The following MARCHF8 variants were observed in gnomAD, a reference collection of about 807,000 sequenced individuals.
The protein encoded by MARCHF8 is E3 ubiquitin-protein ligase MARCHF8.
Under a neutral mutation model 51.6 loss-of-function variants are expected in MARCHF8, and 40 were observed. The ratio of observed to expected loss-of-function variants is 0.77; its 90% confidence interval spans 0.60 to 1.01. MARCHF8 has a LOEUF of 1.01. Ranked by LOEUF, MARCHF8 falls within the 50% of genes least tolerant of loss-of-function variation. The pLI, the probability that MARCHF8 is intolerant of heterozygous loss-of-function variation, is 0.00. For synonymous variants in MARCHF8, 263 were observed against 280.3 expected (o/e 0.94, Z 0.62); for missense variants, 685 against 708.6 (o/e 0.97, Z 0.38).
chr10:45,533,051 T>C, intron 2 of MARCHF8, 59 bp downstream of exon 2: 1 of 1,388,492 alleles, frequency 7.2e-7, no homozygotes, highest in Non-Finnish European at 9.7e-7. Context: ...CTGTTCTAGG[T>C]CATCTTTAAT....
exon 1 of MARCHF8, chr10:45,594,681 C>G (rs2044720037): frequency 6.7e-6 from 1 of 149,202 alleles, no homozygotes; most frequent in Non-Finnish European, 1.5e-5. Context: ...CCTGCCCGGG[C>G]CGGGGGCTCG....
At chr10:45,460,097 T>A (rs1358741742) in intron 6 of MARCHF8, among the ~76,000 whole-genome samples, 3 of 152,202 alleles carry the variant, frequency 2.0e-5, no homozygotes, top group Non-Finnish European at 4.4e-5. Context: ...AACATTTTTT[T>A]AAGCAGTTTG....
chr10:45,495,133 AG>A (rs1242823635), intron 2 of MARCHF8, among the ~76,000 whole-genome samples: 1 of 152,016 alleles, frequency 6.6e-6, no homozygotes, highest in African/African-American at 2.4e-5. Flanking sequence ...AAAAAAAAAA[AG>A]AAAAGAAAAA....
chr10:45,501,966 A>T (rs1355256077), intron 2 of MARCHF8, among the ~76,000 whole-genome samples: 11 of 151,982 alleles, frequency 7.2e-5, no homozygotes, highest in South Asian at 2.1e-4. Flanking sequence ...ATGGCTAAAA[A>T]TTTTTTTTTA....
At chr10:45,471,044 AC>A (rs2042680038) in intron 3 of MARCHF8, among the ~76,000 whole-genome samples, 1 of 152,222 alleles carries the variant, frequency 6.6e-6, no homozygotes, top group African/African-American at 2.4e-5. Flanking sequence ...ACAAGCTTTC[AC>A]AAAGGCAATT....
chr10:45,558,521 A>G (rs1330991804), intron 1 of MARCHF8, among the ~76,000 whole-genome samples: 2 of 152,266 alleles, frequency 1.3e-5, no homozygotes, highest in Non-Finnish European at 2.9e-5. Flanking sequence ...CACGGAAAGC[A>G]GCAGCTGTTG....
At chr10:45,507,661 C>G (rs1366220228) in intron 2 of MARCHF8, among the ~76,000 whole-genome samples, 1 of 152,052 alleles carries the variant, frequency 6.6e-6, no homozygotes, top group Non-Finnish European at 1.5e-5. Flanking sequence ...ACCCTACATC[C>G]AACATTGGGG....
intron 3 of MARCHF8, among the ~76,000 whole-genome samples, chr10:45,484,953 A>G: frequency 6.6e-6 from 1 of 151,102 alleles, no homozygotes; most frequent in Non-Finnish European, 1.5e-5. Context: ...TGAAAAGAGA[A>G]GCATTAGGAA....
intron 2 of MARCHF8, among the ~76,000 whole-genome samples, chr10:45,495,172 T>C (rs1166001232): frequency 6.6e-6 from 1 of 152,092 alleles, no homozygotes; most frequent in African/African-American, 2.4e-5. Flanking sequence ...ACCTTTGGAT[T>C]ATGTAGGGTT....
At chr10:45,481,808 G>A (rs748481361) in intron 3 of MARCHF8, among the ~76,000 whole-genome samples, 1 of 152,158 alleles carries the variant, frequency 6.6e-6, no homozygotes, top group African/African-American at 2.4e-5. Context: ...ACACAGTACT[G>A]GAAGTCCTAG....
chr10:45,552,577 T>G (rs2044207976), intron 1 of MARCHF8, among the ~76,000 whole-genome samples: 1 of 152,230 alleles, frequency 6.6e-6, no homozygotes, highest in Non-Finnish European at 1.5e-5. Context: ...GAATATTTCA[T>G]TCATTTAACC....
intron 2 of MARCHF8, among the ~76,000 whole-genome samples, chr10:45,505,793 G>GT (rs902053978): frequency 1.4e-4 from 21 of 152,178 alleles, no homozygotes; most frequent in African/African-American, 4.8e-4. Flanking sequence ...TGGTTTGTTA[G>GT]TTTTTTTCTG....
intron 1 of MARCHF8, among the ~76,000 whole-genome samples, chr10:45,543,248 T>C (rs965436883): frequency 6.6e-6 from 1 of 152,238 alleles, no homozygotes; most frequent in Non-Finnish European, 1.5e-5. Context: ...CCCTATAGCA[T>C]GACATTGTAC....
In MARCHF8 at chr10:45,468,741, A is replaced by C. The variant is rs143521180; in HGVS notation, c.154-4414T>G. Among the ~76,000 whole-genome samples, 585 of 152,346 alleles carry C rather than the reference A, an allele frequency of 3.8e-3. 3 individuals are homozygous for C. The highest frequency in any genetic ancestry group is 0.024 in the Middle Eastern group (7 of 294). The stretch of plus-strand genomic sequence containing the variant: ...ATGCACAGATGGCTCTCAAAACATG[A>C]AAAGATGCTTCATTTCTCTCACAAT... On this transcript the variant is annotated intron_variant, in intron 3 of 7. Transcript: ENST00000453424.
At chr10:45,563,761 C>T (rs541076451) in intron 1 of MARCHF8, among the ~76,000 whole-genome samples, 3 of 152,060 alleles carry the variant, frequency 2.0e-5, no homozygotes, top group Non-Finnish European at 4.4e-5. Context: ...TTTTATAAAA[C>T]ATAAATTAAT....
chr10:45,463,838 G>C lies in MARCHF8; in HGVS notation c.401C>G (p.Ser134Ter). The C allele has an allele frequency of 6.5e-7, 1 of 1,544,190 alleles. No individual in the cohort carries two copies. Among genetic ancestry groups the C allele is most frequent in the Non-Finnish European group, 8.7e-7 (1 of 1,147,012 alleles). ...LQASKRNSFG[S>*]EWAQALKPAK... The stretch of plus-strand genomic sequence containing the variant: ...AGGCTTCAAGGCCTGGGCCCATTCT[G>C]AACCAAAGGAATTTCTCTTTGACGC... Residue 134 changes from serine to a stop codon, truncating the protein, a stop_gained, in exon 5 of 8, where the codon TCA (serine) becomes TGA (stop). Coordinates refer to ENST00000453424, the MANE Select transcript of MARCHF8 (RefSeq NM_001282866.2). LOFTEE classifies it high-confidence loss of function.
chr10:45,459,139 G>GATCT lies in MARCHF8; in HGVS notation c.1394_1397dup (p.Lys467AspfsTer17). The GATCT allele has an allele frequency of 6.2e-7, 1 of 1,613,964 alleles. No homozygotes were observed. The highest frequency in any genetic ancestry group is 8.5e-7 in the Non-Finnish European group (1 of 1,179,994). On this transcript the variant is annotated frameshift_variant, in exon 7 of 8. Transcript: ENST00000453424. LOFTEE classifies it high-confidence loss of function. ...ACTCACCTGTTGCCTGCCCCTGCTT[G>GATCT]ATCTCCTCAGCAGTACGGTCAATGA...
At chr10:45,516,387 G>C (rs1024791717) in intron 2 of MARCHF8, among the ~76,000 whole-genome samples, 4 of 152,048 alleles carry the variant, frequency 2.6e-5, no homozygotes, top group African/African-American at 9.7e-5. Context: ...CTGGCCTCAA[G>C]AGATCTTCCT....
chr10:45,548,155 G>A (rs1357923731), intron 1 of MARCHF8, among the ~76,000 whole-genome samples: 2 of 152,186 alleles, frequency 1.3e-5, no homozygotes, highest in Non-Finnish European at 2.9e-5. Context: ...ATGCTACCCA[G>A]TAGGAAAAAA....
Sources: allele counts gnomAD v4.1 joint callset (sites outside exome capture counted in the v4.1 genomes callset), GRCh38; gene constraint gnomAD v4.1.1; transcripts MANE v1.5; gene names NCBI Gene and HGNC (gene_info 2026-07-23, HGNC 2026-07-21).